The following LMO7 variants were observed in gnomAD, a reference collection of about 807,000 sequenced individuals.
LMO7 encodes LIM domain only protein 7.
In LMO7, 120 loss-of-function variants were observed where a neutral mutation model predicts 206.5. The observed-to-expected ratio is 0.58, with a 90% CI of 0.50 to 0.68. The LOEUF (loss-of-function observed/expected upper bound fraction) is 0.68. Ranked by LOEUF, LMO7 falls within the 30% of genes least tolerant of loss-of-function variation. The probability of loss-of-function intolerance (pLI) is 0.00; values close to 1 mark genes in which losing one functional copy is unlikely to be tolerated. For synonymous variants in LMO7, 706 were observed against 681.5 expected (o/e 1.04, Z -0.56); for missense variants, 1,959 against 1,957.9 (o/e 1.00, Z -0.01).
chr13:75,729,977 C>T (rs1327096798), intron 3 of LMO7, among the ~76,000 whole-genome samples: 1 of 151,978 alleles, frequency 6.6e-6, no homozygotes, highest in African/African-American at 2.4e-5. Flanking sequence ...AGGGATGAAG[C>T]CCACTTGATC....
chr13:75,729,993 G>A (rs9652174), intron 3 of LMO7, among the ~76,000 whole-genome samples: 45,197 of 151,068 alleles, frequency 0.3, 7,940 homozygotes, highest in Middle Eastern at 0.45. Flanking sequence ...TGATCATGGT[G>A]GATAAGCTTT....
intron 1 of LMO7, among the ~76,000 whole-genome samples, chr13:75,669,855 G>A (rs1056342812): frequency 3.3e-5 from 5 of 152,112 alleles, no homozygotes; most frequent in Non-Finnish European, 7.3e-5. Context: ...AAGACTTAAT[G>A]TGGCTCACTG....
intron 1 of LMO7, among the ~76,000 whole-genome samples, chr13:75,697,095 A>G (rs983087573): frequency 1.3e-5 from 2 of 152,212 alleles, no homozygotes; most frequent in African/African-American, 4.8e-5. Context: ...TAAGGGAGCC[A>G]TGAATGCCAA....
At chr13:75,728,227 T>C (rs1157022176) in intron 3 of LMO7, among the ~76,000 whole-genome samples, 2 of 152,208 alleles carry the variant, frequency 1.3e-5, no homozygotes, top group Non-Finnish European at 2.9e-5. Flanking sequence ...TGAACTAGTT[T>C]ACAGTCCCAC....
At position 75,713,271 on chromosome 13, in the gene LMO7, T is replaced by TA; in HGVS notation, c.140+25dup. Reference sequence around the variant, plus strand: ...TGTGTGAGTAAGTATTTAAAGTATTTAAAAAATAATTCAAAAGCAAAGATA... The same window carrying TA: ...TGTGTGAGTAAGTATTTAAAGTATTTAAAAAAATAATTCAAAAGCAAAGATA... On this transcript the variant is annotated intron_variant, in intron 2 of 30. Coordinates refer to ENST00000377534, the MANE Select transcript of LMO7 (RefSeq NM_001306080.2). 2 of 1,571,876 alleles carry TA rather than the reference T, an allele frequency of 1.3e-6. No individual in the cohort carries two copies. Among genetic ancestry groups the TA allele is most frequent in the Non-Finnish European group, 1.7e-6 (2 of 1,150,702 alleles).
intron 1 of LMO7, among the ~76,000 whole-genome samples, chr13:75,677,941 C>T (rs2040162176): frequency 6.6e-6 from 1 of 151,950 alleles, no homozygotes; most frequent in Non-Finnish European, 1.5e-5. Context: ...TGGTTTCCAG[C>T]TTCATCCATG....
At chr13:75,802,129 A>C (rs544418867) in intron 7 of LMO7, among the ~76,000 whole-genome samples, 225 of 152,370 alleles carry the variant, frequency 1.5e-3, no homozygotes, top group African/African-American at 5.1e-3. Context: ...TTATATAAAT[A>C]CAACATGCTA....
intron 14 of LMO7, 119 bp downstream of exon 14, chr13:75,821,728 A>G (rs2057591159): frequency 3.2e-6 from 2 of 625,814 alleles, no homozygotes; most frequent in African/African-American, 1.8e-5. Flanking sequence ...ATATAAGGAC[A>G]TTTTATTTTA....
At chr13:75,763,721 G>A (rs1330029486) in intron 4 of LMO7, among the ~76,000 whole-genome samples, 1 of 152,114 alleles carries the variant, frequency 6.6e-6, no homozygotes, top group Non-Finnish European at 1.5e-5. Context: ...GAGCAAATAG[G>A]AAAGGACAGT....
In LMO7 at chr13:75,738,442, T is replaced by G. The variant is rs545233090; in HGVS notation, c.210+11344T>G. ...ATATTGAATGCTTTGCTTGAAACAT[T>G]CATGCAATTATTTTTTCTTTGGGAG... is the stretch of plus-strand genomic sequence containing the variant. On this transcript the variant is annotated intron_variant, in intron 3 of 30. Transcript: ENST00000377534. Among the ~76,000 whole-genome samples the G allele has an allele frequency of 2.8e-4, 42 of 152,334 alleles. No individual in the cohort carries two copies. In the South Asian group the frequency reaches 2.9e-3, roughly 11 times the overall value.
intron 1 of LMO7, among the ~76,000 whole-genome samples, chr13:75,707,882 A>G (rs1011136656): frequency 1.3e-5 from 2 of 151,946 alleles, no homozygotes; most frequent in Admixed American, 6.6e-5. Context: ...ACCCCCTCAT[A>G]TATCTACACA....
chr13:75,831,307 C>T (rs2058649759), intron 15 of LMO7, among the ~76,000 whole-genome samples: 1 of 152,066 alleles, frequency 6.6e-6, no homozygotes, highest in South Asian at 2.1e-4. Flanking sequence ...ACCTTTGTTT[C>T]CCAAAGTGCT....
intron 8 of LMO7, 61 bp from the exon 9 acceptor site, chr13:75,805,418 A>G: frequency 2.6e-6 from 4 of 1,531,888 alleles, no homozygotes; most frequent in Non-Finnish European, 2.7e-6. Context: ...AAAGCATGCC[A>G]TTTGTGTTCT....
exon 1 of LMO7, chr13:75,621,860 G>A (rs1263420844): frequency 1.9e-6 from 3 of 1,587,754 alleles, no homozygotes; most frequent in Admixed American, 1.8e-5. Flanking sequence ...AGAGTCTGCA[G>A]CAAAAAAGGT....
At chr13:75,786,523 A>C (rs1049586880) in intron 4 of LMO7, among the ~76,000 whole-genome samples, 16 of 151,770 alleles carry the variant, frequency 1.1e-4, no homozygotes, top group Non-Finnish European at 2.1e-4. Flanking sequence ...TACAGGCACC[A>C]GCCACCACGC....
upstream of LMO7, among the ~76,000 whole-genome samples, chr13:75,633,460 C>T (rs2035265246): frequency 6.6e-6 from 1 of 152,216 alleles, no homozygotes; most frequent in African/African-American, 2.4e-5. Flanking sequence ...GAACTGTTTA[C>T]TCAGAAGAGA....
At chr13:75,680,084 T>C (rs2040345291) in intron 1 of LMO7, among the ~76,000 whole-genome samples, 1 of 152,152 alleles carries the variant, frequency 6.6e-6, no homozygotes, top group South Asian at 2.1e-4. Context: ...GTATGTGTTG[T>C]TCCCCTCCCT....
chr13:75,820,812 T>G (rs763804093), intron 13 of LMO7, among the ~76,000 whole-genome samples: 17 of 152,080 alleles, frequency 1.1e-4, no homozygotes, highest in South Asian at 2.1e-4. Context: ...GGCCAATATG[T>G]TGAAACCTCA....
intron 3 of LMO7, among the ~76,000 whole-genome samples, chr13:75,740,898 A>C (rs1246177410): frequency 6.6e-6 from 1 of 152,196 alleles, no homozygotes; most frequent in Non-Finnish European, 1.5e-5. Flanking sequence ...ACATTAGATA[A>C]ATATTGAAGT....
Sources: gnomAD v4.1 joint callset for allele counts (sites outside exome capture counted in the v4.1 genomes callset) on GRCh38, gnomAD v4.1.1 for gene constraint, MANE v1.5 for transcripts, NCBI Gene and HGNC (gene_info 2026-07-23, HGNC 2026-07-21) for gene names.